The following MYO6 variants were observed in gnomAD, a reference collection of about 807,000 sequenced individuals.
MYO6 encodes myosin VI.
MYO6 carries 74 observed loss-of-function variants against 178.7 expected under a neutral mutation model. That is an observed-to-expected ratio of 0.41 (90% CI 0.34 to 0.50). MYO6 has a LOEUF of 0.50. Among genes scored for constraint, MYO6 ranks in the 20% least tolerant of loss-of-function variants. The probability of loss-of-function intolerance (pLI) is 0.09; values close to 1 mark genes in which losing one functional copy is unlikely to be tolerated. For missense variants in MYO6, 1,330 were observed against 1,547.4 expected (o/e 0.86, Z 2.36); for synonymous variants, 477 against 504.6 (o/e 0.95, Z 0.73).
rs370743622 is a variant in MYO6, at chr6:75,840,544, G to A, written c.554-41G>A. 7.9e-5 allele frequency: 104 copies of A among 1,324,460 alleles called. No individual in the cohort carries two copies. The African/African-American group carries it at 8.7e-4, about 11-fold the overall frequency. The allele number at this position is 1,324,460 out of a possible 1,614,324, so 82.0% of individuals were successfully genotyped here. On this transcript the variant is annotated intron_variant, in intron 7 of 34. Coordinates refer to ENST00000369977, the MANE Select transcript of MYO6 (RefSeq NM_004999.4). The stretch of plus-strand genomic sequence containing the variant: ...TACCATGCATATTTTGTAATGTTCC[G>A]TCATGCTAATTTTTTGATGGATTTT...
chr6:75,883,787 T>A (rs1778221304), intron 23 of MYO6, among the ~76,000 whole-genome samples: 1 of 152,278 alleles, frequency 6.6e-6, no homozygotes, highest in African/African-American at 2.4e-5. Context: ...TTGCCCCTTA[T>A]ACTCATCAGA....
At chr6:75,783,973 A>ATTAT (rs1345600970) in intron 1 of MYO6, among the ~76,000 whole-genome samples, 1 of 151,680 alleles carries the variant, frequency 6.6e-6, no homozygotes, top group Non-Finnish European at 1.5e-5. Context: ...ATTTTTATTT[A>ATTAT]TTATTTATTT....
At chr6:75,848,936 A>G (rs1317585303) in intron 11 of MYO6, among the ~76,000 whole-genome samples, 2 of 152,204 alleles carry the variant, frequency 1.3e-5, no homozygotes, top group African/African-American at 2.4e-5. Context: ...GCAATTTAAT[A>G]TATAAAAGCC....
chr6:75,880,255 C>G (rs1198808538), intron 22 of MYO6, 135 bp downstream of exon 22: 2 of 710,518 alleles, frequency 2.8e-6, no homozygotes, highest in Non-Finnish European at 4.7e-6. Flanking sequence ...TTGCTATTTT[C>G]CATACCATTT....
rs561007920 is a variant in MYO6 at position 75,858,074 on chromosome 6, T to A, written c.1381+820T>A. On this transcript the variant is annotated intron_variant, in intron 13 of 34. Coordinates refer to ENST00000369977, the MANE Select transcript of MYO6 (RefSeq NM_004999.4). ...AAAGGTAGAGAATTATTATTATTAT[T>A]AATTTTTTTTCCTTTTCTACAACAG... Among the ~76,000 whole-genome samples the A allele has an allele frequency of 6.0e-4, 88 of 146,420 alleles. 1 individual carries two copies. Among genetic ancestry groups the A allele is most frequent in the Middle Eastern group, 3.7e-3 (1 of 272 alleles).
intron 16 of MYO6, among the ~76,000 whole-genome samples, chr6:75,863,621 G>T (rs1389266232): frequency 6.6e-6 from 1 of 151,940 alleles, no homozygotes; most frequent in Admixed American, 6.6e-5. Context: ...GAGTAACTGG[G>T]ATTATAGGCA....
In MYO6 at chr6:75,881,770, T is replaced by A; in HGVS notation, c.2368T>A (p.Cys790Ser). The A allele has an allele frequency of 6.2e-7, 1 of 1,614,026 alleles. No individual in the cohort carries two copies. Among genetic ancestry groups the A allele is most frequent in the Non-Finnish European group, 8.5e-7 (1 of 1,179,930 alleles). ...TAAAAGAGTCAATCACTGGCTCACATGCAGTCGCTGGAAGAAAGTTCAGTG... is the reference window on the plus strand; with the variant it reads ...TAAAAGAGTCAATCACTGGCTCACAAGCAGTCGCTGGAAGAAAGTTCAGTG... ...LVKRVNHWLT[C>S]SRWKKVQWCS... The change falls in exon 23 of 35, where the codon TGC (cysteine) becomes AGC (serine). Residue 790 changes from cysteine to serine, a missense_variant. Transcript: ENST00000369977.
At chr6:75,861,235 A>G in intron 15 of MYO6, 140 bp downstream of exon 15, 1 of 720,780 alleles carries the variant, frequency 1.4e-6, no homozygotes, top group Non-Finnish European at 2.4e-6. Context: ...CTTCTGTATT[A>G]CTGCCTGGAA....
intron 30 of MYO6, among the ~76,000 whole-genome samples, chr6:75,905,191 C>T (rs1308586359): frequency 1.3e-5 from 2 of 152,210 alleles, no homozygotes; most frequent in African/African-American, 2.4e-5. Flanking sequence ...TTGTCTATGC[C>T]CTGCCCCCAG....
intron 1 of MYO6, among the ~76,000 whole-genome samples, chr6:75,763,119 C>G (rs540822298): frequency 6.6e-6 from 1 of 151,850 alleles, no homozygotes; most frequent in South Asian, 2.1e-4. Flanking sequence ...CTCCACCGTC[C>G]GAGATCAAGC....
At chr6:75,903,310 A>G (rs1275274776) in intron 30 of MYO6, among the ~76,000 whole-genome samples, 2 of 152,022 alleles carry the variant, frequency 1.3e-5, no homozygotes, top group Non-Finnish European at 2.9e-5. Flanking sequence ...TGATCTGTCT[A>G]ATGTGGACAG....
chr6:75,822,431 T>C (rs1269452474), intron 2 of MYO6, among the ~76,000 whole-genome samples: 1 of 152,206 alleles, frequency 6.6e-6, no homozygotes, highest in Non-Finnish European at 1.5e-5. Flanking sequence ...GAAATTGCTG[T>C]ATCTACCACA....
At chr6:75,826,681 C>G (rs1772498112) in intron 3 of MYO6, among the ~76,000 whole-genome samples, 1 of 152,084 alleles carries the variant, frequency 6.6e-6, no homozygotes, top group Admixed American at 6.5e-5. Flanking sequence ...ATATTAATAC[C>G]TCTGCTGCCT....
At chr6:75,753,455 G>GTGTGTGTGTGTGTGTGTATA (rs370647728) in intron 1 of MYO6, among the ~76,000 whole-genome samples, 1 of 140,040 alleles carries the variant, frequency 7.1e-6, no homozygotes, top group African/African-American at 2.7e-5. Context: ...GTGTGTGTGT[G>GTGTGTGTGTGTGTGTGTATA]TATATATATA....
chr6:75,895,148 A>C, intron 28 of MYO6, 83 bp from the exon 29 acceptor site: 1 of 1,042,242 alleles, frequency 9.6e-7, no homozygotes, highest in Admixed American at 2.0e-5. Context: ...TGAGTAAAGT[A>C]ATTGAAACAC....
chr6:75,816,687 A>G (rs1039873943), intron 1 of MYO6, among the ~76,000 whole-genome samples: 2 of 152,224 alleles, frequency 1.3e-5, no homozygotes, highest in African/African-American at 4.8e-5. Flanking sequence ...GTCCATTCTC[A>G]GAGAGTGAGG....
rs953742305 is a variant in MYO6, at chr6:75,814,017, C to T, written c.-47-3484C>T. Among the ~76,000 whole-genome samples, 11 of 152,298 alleles carry T rather than the reference C, an allele frequency of 7.2e-5. No homozygotes were observed. The East Asian group carries it at 1.9e-3, about 27-fold the overall frequency. On this transcript the variant is annotated intron_variant, in intron 1 of 34. Coordinates refer to ENST00000369977, the MANE Select transcript of MYO6 (RefSeq NM_004999.4). The stretch of plus-strand genomic sequence containing the variant: ...CTCCTGGCCGCCCAGCTGGTGTTCT[C>T]ACTAGGTCACATGCTCCCCAAACCC...
rs62414824 is a variant in MYO6 at position 75,908,865 on chromosome 6, T to C, written c.3412+238T>C. ...TTTACTATAATTGAGACAAGAATTT[T>C]CTTGTCTGAAGAGGGTGTGCATGCA... On this transcript the variant is annotated intron_variant, in intron 32 of 34. Transcript: ENST00000369977. Among the ~76,000 whole-genome samples, 34,701 of 152,008 alleles carry C rather than the reference T, an allele frequency of 0.23. 5,166 individuals are homozygous for C. Among genetic ancestry groups the C allele is most frequent in the Middle Eastern group, 0.39 (114 of 294 alleles).
chr6:75,755,630 T>C (rs1361995674), intron 1 of MYO6, among the ~76,000 whole-genome samples: 1 of 152,210 alleles, frequency 6.6e-6, no homozygotes, highest in African/African-American at 2.4e-5. Context: ...AAAATAACTT[T>C]TATTACTTTG....
Sources: allele counts gnomAD v4.1 joint callset (sites outside exome capture counted in the v4.1 genomes callset), GRCh38; gene constraint gnomAD v4.1.1; transcripts MANE v1.5; gene names NCBI Gene and HGNC (gene_info 2026-07-23, HGNC 2026-07-21).